Variants in MRPS6 observed in about 807,000 individuals in gnomAD.
The protein encoded by MRPS6 is small ribosomal subunit protein bS6m.
In MRPS6, 6 loss-of-function variants were observed where a neutral mutation model predicts 13.1. The ratio of observed to expected loss-of-function variants is 0.46; its 90% CI spans 0.25 to 0.91. MRPS6 has a LOEUF of 0.91. Among genes scored for constraint, MRPS6 ranks in the 40% least tolerant of loss-of-function variants. The pLI is 0.18. For synonymous variants in MRPS6, 61 were observed against 56.5 expected (o/e 1.08, Z -0.36); for missense variants, 164 against 155.6 (o/e 1.05, Z -0.29).
At chr21:34,083,185 C>A (rs1177460106) in intron 1 of MRPS6, among the ~76,000 whole-genome samples, 1 of 152,140 alleles carries the variant, frequency 6.6e-6, no homozygotes. Flanking sequence ...AGCCGGGTTG[C>A]TGTGGATATA....
chr21:34,103,468 A>T (rs1979339477), intron 1 of MRPS6: 2 of 998,872 alleles, frequency 2.0e-6, no homozygotes, highest in Non-Finnish European at 2.4e-6. Context: ...ATGTTCTGTG[A>T]TCTTAATTTT....
intron 1 of MRPS6, among the ~76,000 whole-genome samples, chr21:34,118,293 T>C (rs909528876): frequency 6.6e-6 from 1 of 152,198 alleles, no homozygotes; most frequent in African/African-American, 2.4e-5. Flanking sequence ...TTGTATGTTA[T>C]GTGTATTATA....
chr21:34,102,439 A>T (rs1979284553), intron 1 of MRPS6: 1 of 1,000,036 alleles, frequency 1.0e-6, no homozygotes, highest in African/African-American at 1.7e-5. Context: ...TTTTGGGGTA[A>T]GCACCTAATT....
At chr21:34,116,493 G>A (rs1002467665) in intron 1 of MRPS6, among the ~76,000 whole-genome samples, 2 of 151,984 alleles carry the variant, frequency 1.3e-5, no homozygotes, top group African/African-American at 4.8e-5. Flanking sequence ...TGGGCAATAA[G>A]ATTTCCATTC....
intron 2 of MRPS6, among the ~76,000 whole-genome samples, chr21:34,141,015 C>T (rs1980888990): frequency 6.6e-6 from 1 of 152,150 alleles, no homozygotes; most frequent in African/African-American, 2.4e-5. Context: ...AACCTCTTTG[C>T]CCTTTGTCTG....
intron 1 of MRPS6, chr21:34,106,085 G>C: frequency 4.0e-6 from 4 of 998,664 alleles, no homozygotes; most frequent in Non-Finnish European, 4.8e-6. Flanking sequence ...TGTACTGTGT[G>C]TTATTTTGCC....
intron 2 of MRPS6, among the ~76,000 whole-genome samples, chr21:34,126,693 A>T (rs1425511380): frequency 1.3e-5 from 2 of 152,338 alleles, no homozygotes; most frequent in Admixed American, 6.5e-5. Context: ...AGGAGCATAT[A>T]AAAACTGTCC....
intron 1 of MRPS6, among the ~76,000 whole-genome samples, chr21:34,086,078 A>T (rs939438006): frequency 9.9e-5 from 15 of 152,006 alleles, no homozygotes; most frequent in Admixed American, 7.9e-4. Context: ...TAAGTCTCTT[A>T]CTCTGTAATA....
chr21:34,096,285 C>A lies in MRPS6; in HGVS notation c.45+22540C>A. 6.2e-7 allele frequency: 1 copy of A among 1,614,134 alleles called. No individual in the cohort carries two copies. Among genetic ancestry groups the A allele is most frequent in the Non-Finnish European group, 8.5e-7 (1 of 1,180,016 alleles). ...GGTGATGAAGCTGGTTCCTGTGGGC[C>A]TTCGGGGTTTAATGATGGCAGTGAT... is the stretch of plus-strand genomic sequence containing the variant. On this transcript the variant is annotated intron_variant, in intron 1 of 2. Transcript: ENST00000399312. The surrounding 1 kb of genome is among the most constrained non-coding windows in gnomAD (Gnocchi z 5.9).
At chr21:34,097,598 A>G in intron 1 of MRPS6, 1 of 1,242,560 alleles carries the variant, frequency 8.0e-7, no homozygotes, top group Non-Finnish European at 1.0e-6. Context: ...TAAATTTTGC[A>G]TACCAAAGTA....
Position 34,073,680 on chromosome 21 carries a change from G to T in MRPS6, c.-21G>T. ...CCGGGAACCGGCTGGCTTCCGAGCCGCACTCGCCGATCCTCCAGGCATGCC... is the reference window on the plus strand; with the variant it reads ...CCGGGAACCGGCTGGCTTCCGAGCCTCACTCGCCGATCCTCCAGGCATGCC... On this transcript the variant is annotated 5_prime_UTR_variant, in exon 1 of 3. Transcript: ENST00000399312. 7 of 1,513,614 alleles carry T rather than the reference G, an allele frequency of 4.6e-6. No individual in the cohort carries two copies. Among genetic ancestry groups the T allele is most frequent in the South Asian group, 1.2e-5 (1 of 86,526 alleles). The allele number at this position is 1,513,614 out of a possible 1,614,324, so 93.8% of individuals were successfully genotyped here.
intron 1 of MRPS6, among the ~76,000 whole-genome samples, chr21:34,078,063 T>A (rs925024133): frequency 6.6e-6 from 1 of 152,182 alleles, no homozygotes; most frequent in Non-Finnish European, 1.5e-5. Flanking sequence ...AAGCATTTGA[T>A]AACTAGGAAA....
intron 1 of MRPS6, chr21:34,095,079 C>A: frequency 1.6e-6 from 2 of 1,272,342 alleles, no homozygotes; most frequent in Non-Finnish European, 1.1e-6. Context: ...TTTGACCCTG[C>A]TGTGTTGCTC....
At position 34,123,291 on chromosome 21, in the gene MRPS6, C is replaced by T. The variant is rs561548419; in HGVS notation, c.46-2050C>T. 17 of 152,286 alleles carry T rather than the reference C, an allele frequency of 1.1e-4. No individual in the cohort carries two copies. In the East Asian group the frequency reaches 2.1e-3, roughly 19 times the overall value. The allele number at this position is 152,286 out of a possible 1,614,324, so 9.4% of individuals were successfully genotyped here. ...TAAACTTGTTCTGCAATTTTCTCTT[C>T]ATTTGATCCCCAAATGAACCTCTGG... On this transcript the variant is annotated intron_variant, in intron 1 of 2. Coordinates refer to ENST00000399312, the MANE Select transcript of MRPS6 (RefSeq NM_032476.4).
chr21:34,073,643 C>T lies in MRPS6; in HGVS notation c.-58C>T. On this transcript the variant is annotated 5_prime_UTR_variant, in exon 1 of 3. Transcript: ENST00000399312. Reference sequence around the variant, plus strand: ...GGTCCCCACTGTCCCCGCCGTCCCGCCCCTTCGCGTCCCGGGAACCGGCTG... The same window carrying T: ...GGTCCCCACTGTCCCCGCCGTCCCGTCCCTTCGCGTCCCGGGAACCGGCTG... The T allele has an allele frequency of 1.4e-6, 2 of 1,463,158 alleles. No homozygotes were observed. Among genetic ancestry groups the T allele is most frequent in the East Asian group, 2.7e-5 (1 of 36,556 alleles). The allele number at this position is 1,463,158 out of a possible 1,614,324, so 90.6% of individuals were successfully genotyped here.
chr21:34,128,040 T>C (rs1193527199), intron 2 of MRPS6, among the ~76,000 whole-genome samples: 3 of 152,140 alleles, frequency 2.0e-5, no homozygotes, highest in Admixed American at 2.0e-4. Flanking sequence ...TTTCTGAGAG[T>C]CCACATTCTA....
chr21:34,090,814 T>C (rs1026875485), intron 1 of MRPS6, among the ~76,000 whole-genome samples: 1 of 150,820 alleles, frequency 6.6e-6, no homozygotes, highest in Non-Finnish European at 1.5e-5. Context: ...CCTGAGATCC[T>C]ACAGTTAGGA....
chr21:34,092,915 CTTGGATGGCTGT>C (rs1022057473), intron 1 of MRPS6, among the ~76,000 whole-genome samples: 1 of 152,184 alleles, frequency 6.6e-6, no homozygotes, highest in Non-Finnish European at 1.5e-5. Context: ...CTGAGGATGA[CTTGGATGGCTGT>C]TGGGTAGCAG....
chr21:34,109,597 T>G (rs888523699), intron 1 of MRPS6, among the ~76,000 whole-genome samples: 3 of 152,190 alleles, frequency 2.0e-5, no homozygotes, highest in East Asian at 1.9e-4. Flanking sequence ...AGTATAAACC[T>G]TCAAATATGC....
Sources: allele counts gnomAD v4.1 joint callset (sites outside exome capture counted in the v4.1 genomes callset), GRCh38; gene constraint gnomAD v4.1.1; non-coding constraint Gnocchi (gnomAD v3.1); transcripts MANE v1.5; gene names NCBI Gene and HGNC (gene_info 2026-07-23, HGNC 2026-07-21).